The following PUM1 variants were observed in gnomAD, a reference collection of about 807,000 sequenced individuals.
The protein encoded by PUM1 is pumilio RNA binding family member 1.
A neutral mutation model predicts 131.8 loss-of-function variants in PUM1; 13 were observed. The observed-to-expected ratio is 0.10, with a 90% CI of 0.06 to 0.16. The LOEUF (loss-of-function observed/expected upper bound fraction) is 0.16, where lower values mean the gene tolerates loss of function less well. Ranked by LOEUF, PUM1 falls within the 10% of genes least tolerant of loss-of-function variation. PUM1 has a pLI of 1.00. For missense variants in PUM1, 961 were observed against 1,512.4 expected, an observed-to-expected ratio of 0.64 and a Z score of 6.05; for synonymous variants, 509 against 556.5, an observed-to-expected ratio of 0.91 and a Z score of 1.20.
intron 1 of PUM1, among the ~76,000 whole-genome samples, chr1:31,063,186 G>C (rs1179058224): frequency 1.3e-5 from 2 of 152,082 alleles, no homozygotes. Context: ...CTTTGTTCTA[G>C]AGCAGGCCAA....
At chr1:31,046,571 G>T (rs190907899) in intron 2 of PUM1, among the ~76,000 whole-genome samples, 4 of 144,338 alleles carry the variant, frequency 2.8e-5, no homozygotes, top group Non-Finnish European at 6.0e-5. Flanking sequence ...GCAGTGGCGC[G>T]ATCTTGGCTG....
chr1:31,059,581 A>AGG lies in PUM1; in HGVS notation c.-11-6_-11-5dup. 1 of 1,579,638 alleles carries AGG rather than the reference A, an allele frequency of 6.3e-7. No individual in the cohort carries two copies. The highest frequency in any genetic ancestry group is 8.6e-7 in the Non-Finnish European group (1 of 1,164,600). ...GCAACGCTCATTCCACCAACACCTA[A>AGG]GGACAAACAGGTTACAAATATTTAA... is the stretch of plus-strand genomic sequence containing the variant. On this transcript the variant is annotated splice_region_variant and splice_polypyrimidine_tract_variant and intron_variant, in intron 1 of 21. Coordinates refer to ENST00000426105, the MANE Select transcript of PUM1 (RefSeq NM_001020658.2).
rs192263013 is a variant in PUM1 at position 31,045,195 on chromosome 1, G to A, written c.363+14009C>T. 3.9e-3 allele frequency among the ~76,000 whole-genome samples: 592 copies of A among 151,614 alleles called. 2 individuals carry two copies. Among genetic ancestry groups the A allele is most frequent in the Non-Finnish European group, 7.3e-3 (497 of 67,944 alleles). Reference sequence around the variant, plus strand: ...CACCTAGGCTGGAGTGCAGTGGTGCGATCTCAGTTCACTGTAACCTCCGCC... The same window carrying A: ...CACCTAGGCTGGAGTGCAGTGGTGCAATCTCAGTTCACTGTAACCTCCGCC... On this transcript the variant is annotated intron_variant, in intron 2 of 21. Transcript: ENST00000426105.
intron 2 of PUM1, among the ~76,000 whole-genome samples, chr1:31,057,071 G>GCATGAGC (rs1241387290): frequency 1.3e-5 from 2 of 152,154 alleles, no homozygotes; most frequent in Non-Finnish European, 2.9e-5. Context: ...GGGATTACAG[G>GCATGAGC]CATGAGCCAC....
At chr1:30,956,858 C>G (rs982156585) in intron 14 of PUM1, among the ~76,000 whole-genome samples, 2 of 152,098 alleles carry the variant, frequency 1.3e-5, no homozygotes, top group Non-Finnish European at 2.9e-5. Flanking sequence ...ACTGCCCTAC[C>G]ACTATACTTC....
chr1:30,980,272 GA>G, intron 8 of PUM1, 109 bp from the exon 9 acceptor site: 1 of 837,910 alleles, frequency 1.2e-6, no homozygotes, highest in Non-Finnish European at 2.0e-6. Flanking sequence ...AGGAAAAAAT[GA>G]AAAAAGAGAA....
intron 10 of PUM1, among the ~76,000 whole-genome samples, chr1:30,973,649 T>G (rs1191409439): frequency 6.6e-6 from 1 of 152,130 alleles, no homozygotes; most frequent in African/African-American, 2.4e-5. Context: ...TAAAACCACG[T>G]GGACACAATA....
chr1:30,964,582 G>A, intron 14 of PUM1, 92 bp downstream of exon 14: 1 of 1,100,666 alleles, frequency 9.1e-7, no homozygotes, highest in Non-Finnish European at 1.4e-6. Flanking sequence ...TAGTATAAAG[G>A]GACTGTCCTT....
intron 11 of PUM1, among the ~76,000 whole-genome samples, chr1:30,967,792 T>C (rs910047886): frequency 3.3e-5 from 5 of 152,224 alleles, no homozygotes. Flanking sequence ...CAAAGACTTG[T>C]TTCACATGTA....
chr1:30,973,751 AT>A (rs914288916), intron 10 of PUM1, among the ~76,000 whole-genome samples: 10 of 150,362 alleles, frequency 6.7e-5, no homozygotes, highest in African/African-American at 1.7e-4. Context: ...ATTTAGGGTA[AT>A]TTTTTTTTTC....
At chr1:31,051,349 A>G (rs1416381576) in intron 2 of PUM1, among the ~76,000 whole-genome samples, 1 of 149,062 alleles carries the variant, frequency 6.7e-6, no homozygotes, top group Non-Finnish European at 1.5e-5. Context: ...TGTTGCCCAG[A>G]GTGGAGTGCA....
chr1:30,984,702 T>C (rs774602721), intron 7 of PUM1, among the ~76,000 whole-genome samples: 1 of 152,204 alleles, frequency 6.6e-6, no homozygotes, highest in Admixed American at 6.5e-5. Context: ...AAAAACAGTC[T>C]ACAGAGCTCT....
At chr1:30,956,018 C>T (rs776014546) in intron 14 of PUM1, among the ~76,000 whole-genome samples, 21 of 152,244 alleles carry the variant, frequency 1.4e-4, no homozygotes, top group Non-Finnish European at 2.1e-4. Context: ...AAATGTTCAT[C>T]CAAAGATACA....
At chr1:30,988,525 G>C (rs771957655) in intron 7 of PUM1, among the ~76,000 whole-genome samples, 1 of 152,104 alleles carries the variant, frequency 6.6e-6, no homozygotes, top group Non-Finnish European at 1.5e-5. Flanking sequence ...TCTAAACCAA[G>C]AAAAATGATC....
chr1:31,051,275 T>TG (rs915395527), intron 2 of PUM1, among the ~76,000 whole-genome samples: 1 of 150,438 alleles, frequency 6.6e-6, no homozygotes, highest in African/African-American at 2.4e-5. Flanking sequence ...AAGGTACAAG[T>TG]GGAGTCAAAA....
intron 20 of PUM1, among the ~76,000 whole-genome samples, chr1:30,938,531 G>A (rs950794934): frequency 6.6e-6 from 1 of 152,088 alleles, no homozygotes; most frequent in Non-Finnish European, 1.5e-5. Context: ...GGGATTACAG[G>A]TATGAGCTAC....
At chr1:31,026,944 C>CAAAAAAAAAAA (rs35459131) in intron 3 of PUM1, among the ~76,000 whole-genome samples, 2 of 106,520 alleles carry the variant, frequency 1.9e-5, no homozygotes, top group Non-Finnish European at 4.2e-5. Flanking sequence ...ACATATACCA[C>CAAAAAAAAAAA]AAAAAAAAAA....
At chr1:31,038,837 T>G (rs1643701318) in intron 2 of PUM1, among the ~76,000 whole-genome samples, 1 of 151,196 alleles carries the variant, frequency 6.6e-6, no homozygotes, top group African/African-American at 2.4e-5. Flanking sequence ...CACAGATTTG[T>G]TAACAAACAT....
At chr1:30,938,833 C>T (rs193211955) in intron 20 of PUM1, among the ~76,000 whole-genome samples, 1 of 152,140 alleles carries the variant, frequency 6.6e-6, no homozygotes, top group Admixed American at 6.5e-5. Flanking sequence ...CCACCGTACT[C>T]CAGCCTGGGC....
Sources: allele counts gnomAD v4.1 joint callset (sites outside exome capture counted in the v4.1 genomes callset), GRCh38; gene constraint gnomAD v4.1.1; transcripts MANE v1.5; gene names NCBI Gene and HGNC (gene_info 2026-07-23, HGNC 2026-07-21).